FZD3: variants seen among roughly 807,000 people sequenced by gnomAD.
FZD3 encodes frizzled class receptor 3.
Under a neutral mutation model 60.7 loss-of-function variants are expected in FZD3, and 30 were observed. The ratio of observed to expected loss-of-function variants is 0.49; its 90% CI spans 0.37 to 0.67. The LOEUF (loss-of-function observed/expected upper bound fraction) is 0.67. Among genes scored for constraint, FZD3 ranks in the 30% least tolerant of loss-of-function variants. FZD3 has a pLI of 0.00. For synonymous variants in FZD3, 246 were observed against 275.2 expected (o/e 0.89, Z 1.05); for missense variants, 605 against 838.7 (o/e 0.72, Z 3.44).
At chr8:28,544,954 G>A (rs959254778) in intron 5 of FZD3, among the ~76,000 whole-genome samples, 1 of 152,166 alleles carries the variant, frequency 6.6e-6, no homozygotes, top group Non-Finnish European at 1.5e-5. Context: ...GTTACGTAGC[G>A]AGAGGGCTCA....
rs1805097004 is a variant in FZD3, at chr8:28,539,171, G to A, written c.1404+11007G>A. Among the ~76,000 whole-genome samples, 4 of 152,162 alleles carry A rather than the reference G, an allele frequency of 2.6e-5. No homozygotes were observed. In the South Asian group the frequency reaches 8.3e-4, roughly 32 times the overall value. On this transcript the variant is annotated intron_variant, in intron 5 of 7. Coordinates refer to ENST00000240093, the MANE Select transcript of FZD3 (RefSeq NM_017412.4). ...AGTGAGTGGTGGGTGAGCCAGCAAAGCTTCATCTGTATTTACTTCCCATCG... is the reference window on the plus strand; with the variant it reads ...AGTGAGTGGTGGGTGAGCCAGCAAAACTTCATCTGTATTTACTTCCCATCG...
Position 28,527,039 on chromosome 8 carries a change from T to C in FZD3, c.387-108T>C. ...TTATTTCTACATATTACATTTGCTC[T>C]CCAGGAATAAATAAGGTTGTGAGTG... is the stretch of plus-strand genomic sequence containing the variant. On this transcript the variant is annotated intron_variant, in intron 4 of 7. Coordinates refer to ENST00000240093, the MANE Select transcript of FZD3 (RefSeq NM_017412.4). The surrounding 1 kb of genome is among the most constrained non-coding windows in gnomAD (Gnocchi z 5.0). 1 of 886,836 alleles carries C rather than the reference T, an allele frequency of 1.1e-6. No individual in the cohort carries two copies. The highest frequency in any genetic ancestry group is 1.8e-6 in the Non-Finnish European group (1 of 568,048). 54.9% of individuals were successfully genotyped at this position (886,836 alleles called of 1,614,324 possible).
chr8:28,503,638 A>G (rs1157179200), intron 3 of FZD3, among the ~76,000 whole-genome samples: 1 of 152,224 alleles, frequency 6.6e-6, no homozygotes, highest in Non-Finnish European at 1.5e-5. Context: ...AACTATTTCA[A>G]ATTTAGAAAC....
chr8:28,526,848 G>C (rs1804725683), intron 4 of FZD3, among the ~76,000 whole-genome samples: 1 of 152,090 alleles, frequency 6.6e-6, no homozygotes, highest in African/African-American at 2.4e-5. Flanking sequence ...TAAAGATGAA[G>C]GGAATTCATG....
At chr8:28,516,729 A>T (rs1267367092) in intron 3 of FZD3, among the ~76,000 whole-genome samples, 1 of 151,990 alleles carries the variant, frequency 6.6e-6, no homozygotes, top group African/African-American at 2.4e-5. Context: ...CTACAGTCTT[A>T]CTATTTGATT....
chr8:28,565,881 T>C lies in FZD3; in HGVS notation c.*2870T>C, dbSNP rs905430199. ...TTGGCATATGATAATGTTTAGTGTT[T>C]TCTTTTTTCAGTTGACAACTGAGAA... is the stretch of plus-strand genomic sequence containing the variant. On this transcript the variant is annotated 3_prime_UTR_variant, in exon 8 of 8. Transcript: ENST00000240093. The C allele has an allele frequency of 6.6e-6, 1 of 152,188 alleles. No individual in the cohort carries two copies. The highest frequency in any genetic ancestry group is 1.9e-4 in the East Asian group (1 of 5,200). 9.4% of individuals were successfully genotyped at this position (152,188 alleles called of 1,614,324 possible).
rs1216796313 is a variant in FZD3, at chr8:28,527,472, A to G, written c.712A>G (p.Ile238Val). The G allele has an allele frequency of 6.2e-7, 1 of 1,613,252 alleles. No individual in the cohort carries two copies. The highest frequency in any genetic ancestry group is 8.5e-7 in the Non-Finnish European group (1 of 1,179,426). ...AAGATTCCGTTATCCTGAAAGGCCT[A>G]TTATATTTTATGCAGTCTGCTACAT... ...VTRFRYPERP[I>V]IFYAVCYMMV... is the part of the protein sequence containing the mutation. The change falls in exon 5 of 8, where the codon ATT (isoleucine) becomes GTT (valine). Residue 238 changes from isoleucine to valine, a missense_variant. Ile to Val is a conservative substitution (Grantham distance 29). Coordinates refer to ENST00000240093, the MANE Select transcript of FZD3 (RefSeq NM_017412.4). This position sits in a 1 kb window ranked among gnomAD's most constrained non-coding sequence, Gnocchi z 5.0.
intron 5 of FZD3, among the ~76,000 whole-genome samples, chr8:28,546,620 A>G (rs1418135450): frequency 6.6e-6 from 1 of 152,154 alleles, no homozygotes. Flanking sequence ...ACTTATTTTT[A>G]TATTTAGAAT....
Position 28,523,019 on chromosome 8 carries a change from CT to C in FZD3, c.386+2186del, listed in dbSNP as rs1266036674. Among the ~76,000 whole-genome samples the C allele has an allele frequency of 4.6e-5, 7 of 152,230 alleles. No homozygotes were observed. The East Asian group carries it at 1.4e-3, about 29-fold the overall frequency. ...TCCTGACTTTAAGTGGTCCGCCCGC[CT>C]CAGCCTCCCAAAGTGCTGGGATTAC... is the stretch of plus-strand genomic sequence containing the variant. On this transcript the variant is annotated intron_variant, in intron 4 of 7. Transcript: ENST00000240093.
rs1805803161 is a variant in FZD3, at chr8:28,571,279, CTT to C, written c.*8270_*8271del. 2.6e-5 allele frequency: 4 copies of C among 152,126 alleles called. No individual in the cohort carries two copies. Among genetic ancestry groups the C allele is most frequent in the Non-Finnish European group, 4.4e-5 (3 of 68,010 alleles). The allele number at this position is 152,126 out of a possible 1,614,324, so 9.4% of individuals were successfully genotyped here. On this transcript the variant is annotated 3_prime_UTR_variant, in exon 8 of 8. Transcript: ENST00000240093. ...TAAAAGGAAATTAACAAATGTCTTC[CTT>C]TATCCCTGCCTCAGATAATTTTTCC...
intron 5 of FZD3, among the ~76,000 whole-genome samples, chr8:28,535,811 A>G (rs1412322717): frequency 1.3e-5 from 2 of 152,182 alleles, no homozygotes; most frequent in Non-Finnish European, 2.9e-5. Flanking sequence ...TTTTGGTCTA[A>G]TAATAATTTC....
At chr8:28,499,636 G>A (rs1446658187) in intron 1 of FZD3, among the ~76,000 whole-genome samples, 2 of 151,794 alleles carry the variant, frequency 1.3e-5, no homozygotes, top group African/African-American at 4.8e-5. Flanking sequence ...TGAAAATGTT[G>A]AAATATTGAA....
chr8:28,525,871 A>G lies in FZD3; in HGVS notation c.387-1276A>G, dbSNP rs1804701947. On this transcript the variant is annotated intron_variant, in intron 4 of 7. Coordinates refer to ENST00000240093, the MANE Select transcript of FZD3 (RefSeq NM_017412.4). ...AATGAGAAGAGTTCGGTTTCTTGAT[A>G]TATTACAAAGTAGAATCACAGGAAA... 2.0e-5 allele frequency among the ~76,000 whole-genome samples: 3 copies of G among 151,028 alleles called. No homozygotes were observed. The South Asian group carries it at 6.3e-4, about 32-fold the overall frequency.
chr8:28,522,341 G>A (rs1011028231), intron 4 of FZD3, among the ~76,000 whole-genome samples: 43 of 151,520 alleles, frequency 2.8e-4, no homozygotes, highest in African/African-American at 8.7e-4. Flanking sequence ...CAGTTTACAA[G>A]AACCTATCTA....
intron 5 of FZD3, among the ~76,000 whole-genome samples, chr8:28,541,270 T>C (rs557534731): frequency 6.6e-6 from 1 of 152,354 alleles, no homozygotes; most frequent in South Asian, 2.1e-4. Flanking sequence ...ACAGGTGTTA[T>C]TTGAGTTGCT....
At chr8:28,538,722 A>G (rs1805083598) in intron 5 of FZD3, among the ~76,000 whole-genome samples, 1 of 152,102 alleles carries the variant, frequency 6.6e-6, no homozygotes, top group Non-Finnish European at 1.5e-5. Context: ...TGGATTGAAT[A>G]ATCTGTAGGG....
chr8:28,556,523 A>G (rs1398535776), intron 7 of FZD3, among the ~76,000 whole-genome samples: 1 of 152,218 alleles, frequency 6.6e-6, no homozygotes, highest in Non-Finnish European at 1.5e-5. Flanking sequence ...AGTACCTCAT[A>G]TCAGCTTCTG....
chr8:28,537,552 A>G (rs371261940), intron 5 of FZD3, among the ~76,000 whole-genome samples: 6 of 151,766 alleles, frequency 4.0e-5, no homozygotes, highest in Non-Finnish European at 7.4e-5. Flanking sequence ...CTTTGCTGCT[A>G]TGGTACAAAA....
rs746421044 is a variant in FZD3 at position 28,558,031 on chromosome 8, C to T, written c.1787+2060C>T. 3.9e-5 allele frequency among the ~76,000 whole-genome samples: 6 copies of T among 152,264 alleles called. No homozygotes were observed. In the South Asian group the frequency reaches 8.3e-4, roughly 21 times the overall value. On this transcript the variant is annotated intron_variant, in intron 7 of 7. Coordinates refer to ENST00000240093, the MANE Select transcript of FZD3 (RefSeq NM_017412.4). ...GCAGTTGGGAGTTAAGGTAACAGCA[C>T]ATGCAGAGGCAAGGAAGACAGGCAA...
Sources: allele counts gnomAD v4.1 joint callset (sites outside exome capture counted in the v4.1 genomes callset), GRCh38; gene constraint gnomAD v4.1.1; non-coding constraint Gnocchi (gnomAD v3.1); transcripts MANE v1.5; gene names NCBI Gene and HGNC (gene_info 2026-07-23, HGNC 2026-07-21).